The following HHAT variants were observed in gnomAD, a reference collection of about 807,000 sequenced individuals.
The protein encoded by HHAT is protein-cysteine N-palmitoyltransferase HHAT.
HHAT carries 47 observed loss-of-function variants against 70.8 expected under a neutral mutation model. The observed-to-expected ratio is 0.66, with a 90% CI of 0.53 to 0.85. The LOEUF (loss-of-function observed/expected upper bound fraction) is 0.85, where lower values mean the gene tolerates loss of function less well. Among genes scored for constraint, HHAT ranks in the 40% least tolerant of loss-of-function variants. HHAT has a pLI of 0.00. For missense variants in HHAT, 609 were observed against 604.8 expected, an observed-to-expected ratio of 1.01 and a Z score of -0.07; for synonymous variants, 228 against 247.6, an observed-to-expected ratio of 0.92 and a Z score of 0.74.
intron 9 of HHAT, among the ~76,000 whole-genome samples, chr1:210,587,074 G>A (rs1431919038): frequency 6.6e-6 from 1 of 152,178 alleles, no homozygotes; most frequent in Non-Finnish European, 1.5e-5. Flanking sequence ...TGCCTGTTTA[G>A]GAACGTGATC....
At chr1:210,604,380 C>T (rs1459073182) in intron 10 of HHAT, among the ~76,000 whole-genome samples, 1 of 151,940 alleles carries the variant, frequency 6.6e-6, no homozygotes, top group Non-Finnish European at 1.5e-5. Context: ...GTCACTGCGC[C>T]CAGCCTAAAA....
At chr1:210,571,849 G>C (rs1462972350) in intron 9 of HHAT, among the ~76,000 whole-genome samples, 1 of 152,160 alleles carries the variant, frequency 6.6e-6, no homozygotes, top group East Asian at 1.9e-4. Flanking sequence ...ACTCTGCTTT[G>C]TGTGACACAC....
At chr1:210,502,383 C>CAAAAA (rs1177468677) in intron 8 of HHAT, among the ~76,000 whole-genome samples, 13,554 of 86,528 alleles carry the variant, frequency 0.16, 1,401 homozygotes, top group Middle Eastern at 0.22. Context: ...GACTCAGTCT[C>CAAAAA]AAAAAAAAAA....
intron 6 of HHAT, among the ~76,000 whole-genome samples, chr1:210,417,726 T>C (rs945762783): frequency 6.2e-4 from 94 of 152,304 alleles, no homozygotes; most frequent in Admixed American, 5.7e-3. Flanking sequence ...CTGTGTCTCT[T>C]GTTGACTGGG....
chr1:210,329,100 C>A lies in HHAT; in HGVS notation c.-48C>A. 2.1e-6 allele frequency: 3 copies of A among 1,395,714 alleles called. No individual in the cohort carries two copies. The highest frequency in any genetic ancestry group is 3.1e-5 in the East Asian group (1 of 32,682). The allele number at this position is 1,395,714 out of a possible 1,614,324, so 86.5% of individuals were successfully genotyped here. A position where few individuals can be genotyped will look rare whatever the true frequency, so the allele number is the denominator to read the frequency against. ...GCCGTCGCCGCCGCCCGGGACAGCCCGGAGGTTGGTAACTGGTGACCATAG... is the reference window on the plus strand; with the variant it reads ...GCCGTCGCCGCCGCCCGGGACAGCCAGGAGGTTGGTAACTGGTGACCATAG... On this transcript the variant is annotated 5_prime_UTR_variant, in exon 1 of 12. Coordinates refer to ENST00000261458, the MANE Select transcript of HHAT (RefSeq NM_018194.6).
At chr1:210,405,361 C>T (rs2092288048) in intron 6 of HHAT, among the ~76,000 whole-genome samples, 1 of 152,122 alleles carries the variant, frequency 6.6e-6, no homozygotes, top group Admixed American at 6.5e-5. Flanking sequence ...CTCAACCTAC[C>T]TCTAGTTTCA....
intron 11 of HHAT, chr1:210,631,190 C>T (rs1288506981): frequency 2.3e-6 from 1 of 442,558 alleles, no homozygotes. Flanking sequence ...AGATTATAAG[C>T]CCTTTGACTC....
At chr1:210,600,305 C>G (rs1663943597) in intron 10 of HHAT, among the ~76,000 whole-genome samples, 1 of 152,130 alleles carries the variant, frequency 6.6e-6, no homozygotes, top group Non-Finnish European at 1.5e-5. Context: ...TATTTTCTGA[C>G]TTCACTCACT....
At chr1:210,525,632 A>T (rs911203363) in intron 9 of HHAT, among the ~76,000 whole-genome samples, 5 of 152,230 alleles carry the variant, frequency 3.3e-5, no homozygotes, top group Non-Finnish European at 7.3e-5. Context: ...ATCCAGATTT[A>T]AAAAGAAAAA....
At chr1:210,614,142 G>C (rs1256987735) in intron 10 of HHAT, among the ~76,000 whole-genome samples, 1 of 151,270 alleles carries the variant, frequency 6.6e-6, no homozygotes, top group African/African-American at 2.4e-5. Context: ...CCCTAGTTAA[G>C]TTTATTCCTA....
chr1:210,623,801 G>A (rs1249233115), intron 11 of HHAT, 131 bp downstream of exon 11: 2 of 959,666 alleles, frequency 2.1e-6, no homozygotes, highest in Non-Finnish European at 3.1e-6. Flanking sequence ...GACCTCTAAA[G>A]TACCAGCCAG....
chr1:210,661,379 A>G lies in HHAT; in HGVS notation c.1391-12909A>G, dbSNP rs547008356. On this transcript the variant is annotated intron_variant, in intron 11 of 11. Coordinates refer to ENST00000261458, the MANE Select transcript of HHAT (RefSeq NM_018194.6). Reference sequence around the variant, plus strand: ...CCATCTCACACCAGTTAGAATGACAATCACTAAAAAGTCAGGAAACAACAG... The same window carrying G: ...CCATCTCACACCAGTTAGAATGACAGTCACTAAAAAGTCAGGAAACAACAG... Among the ~76,000 whole-genome samples the G allele has an allele frequency of 2.0e-5, 3 of 152,384 alleles. No individual in the cohort carries two copies. In the East Asian group the frequency reaches 5.8e-4, roughly 29 times the overall value.
intron 6 of HHAT, among the ~76,000 whole-genome samples, chr1:210,409,430 C>A (rs2092450493): frequency 6.6e-6 from 1 of 152,140 alleles, no homozygotes. Flanking sequence ...GCCCCACTTG[C>A]TGTTCTGGGA....
chr1:210,365,325 T>TTC (rs2088828547), intron 3 of HHAT, among the ~76,000 whole-genome samples: 1 of 137,822 alleles, frequency 7.3e-6, no homozygotes, highest in Non-Finnish European at 1.6e-5. Flanking sequence ...TTTTTTTTTT[T>TTC]TTTTTTTTTG....
chr1:210,567,627 T>C (rs1231373132), intron 9 of HHAT, among the ~76,000 whole-genome samples: 1 of 152,214 alleles, frequency 6.6e-6, no homozygotes, highest in Admixed American at 6.5e-5. Flanking sequence ...TATTTCTCCA[T>C]TCCTTTCCAT....
intron 7 of HHAT, among the ~76,000 whole-genome samples, chr1:210,455,342 C>T (rs946524793): frequency 2.0e-5 from 3 of 152,212 alleles, no homozygotes; most frequent in Non-Finnish European, 4.4e-5. Flanking sequence ...CCACAACACA[C>T]CGCACCCTCA....
intron 4 of HHAT, among the ~76,000 whole-genome samples, chr1:210,397,396 T>C (rs768769152): frequency 2.6e-5 from 4 of 152,218 alleles, no homozygotes; most frequent in Non-Finnish European, 4.4e-5. Context: ...TGGGCTATTT[T>C]GGTGTTTAGG....
At chr1:210,627,354 A>G (rs1025307757) in intron 11 of HHAT, among the ~76,000 whole-genome samples, 2 of 152,182 alleles carry the variant, frequency 1.3e-5, no homozygotes, top group African/African-American at 4.8e-5. Context: ...GTATCTCATG[A>G]TTCGCCTGGA....
intron 10 of HHAT, among the ~76,000 whole-genome samples, chr1:210,620,199 A>T (rs1327561892): frequency 6.6e-6 from 1 of 152,206 alleles, no homozygotes; most frequent in Non-Finnish European, 1.5e-5. Flanking sequence ...CGAAAGTTAG[A>T]TTTATTGATG....
Sources: gnomAD v4.1 joint callset for allele counts (sites outside exome capture counted in the v4.1 genomes callset) on GRCh38, gnomAD v4.1.1 for gene constraint, MANE v1.5 for transcripts, NCBI Gene and HGNC (gene_info 2026-07-23, HGNC 2026-07-21) for gene names.